Variants in GALNT13 observed in about 807,000 individuals in gnomAD.
GALNT13 encodes the protein polypeptide N-acetylgalactosaminyltransferase 13, also known as UDP-GalNAc:polypeptide N-acetylgalactosaminyltransferase 13.
A neutral mutation model predicts 64.2 loss-of-function variants in GALNT13; 28 were observed. That is an observed-to-expected ratio of 0.44 (90% CI 0.32 to 0.60). The LOEUF (loss-of-function observed/expected upper bound fraction) is 0.60, where lower values mean the gene tolerates loss of function less well. GALNT13 is among the 20% of genes least tolerant of loss of function. The probability of loss-of-function intolerance (pLI) is 0.05; values close to 1 mark genes in which losing one functional copy is unlikely to be tolerated. For synonymous variants in GALNT13, 214 were observed against 224.6 expected (o/e 0.95, Z 0.42); for missense variants, 577 against 669.8 (o/e 0.86, Z 1.53).
intron 2 of GALNT13, among the ~76,000 whole-genome samples, chr2:153,912,921 A>G (rs1385262362): frequency 6.6e-6 from 1 of 152,206 alleles, no homozygotes; most frequent in East Asian, 1.9e-4. Flanking sequence ...CAGCATGGCC[A>G]AGTGCACACT....
the GALNT13 span, among the ~76,000 whole-genome samples, chr2:153,271,355 G>T: frequency 6.6e-6 from 1 of 152,150 alleles, no homozygotes; most frequent in Non-Finnish European, 1.5e-5. Flanking sequence ...TGACATGACT[G>T]TATATTTAGA....
chr2:154,437,870 A>T, intron 11 of GALNT13: 1 of 216,766 alleles, frequency 4.6e-6, no homozygotes, highest in Non-Finnish European at 9.6e-6. Context: ...AAAAAAAAAA[A>T]ACCCTCATGA....
the GALNT13 span, among the ~76,000 whole-genome samples, chr2:153,577,381 A>T: frequency 6.6e-6 from 1 of 152,142 alleles, no homozygotes; most frequent in South Asian, 2.1e-4. Flanking sequence ...CCTTTCTCAA[A>T]CAAATGCAGT....
the GALNT13 span, among the ~76,000 whole-genome samples, chr2:153,332,231 T>G: frequency 1.3e-5 from 2 of 152,328 alleles, no homozygotes; most frequent in Non-Finnish European, 2.9e-5. Context: ...TGGGGTTAGC[T>G]TGTTCTTGTT....
At chr2:153,576,749 T>C in the GALNT13 span, among the ~76,000 whole-genome samples, 20 of 152,238 alleles carry the variant, frequency 1.3e-4, 1 homozygote, top group South Asian at 2.1e-3. Flanking sequence ...CTCATGAAGA[T>C]GTTTTTTCAA....
the GALNT13 span, among the ~76,000 whole-genome samples, chr2:153,300,742 A>T: frequency 6.6e-6 from 1 of 152,208 alleles, no homozygotes. Flanking sequence ...TATGTACCAT[A>T]ACTGCCAAAT....
the GALNT13 span, among the ~76,000 whole-genome samples, chr2:153,458,407 A>G: frequency 2.0e-5 from 3 of 152,130 alleles, no homozygotes; most frequent in East Asian, 3.9e-4. Context: ...TCCCCCTGCC[A>G]TTGGGTCTTT....
At chr2:153,437,399 T>A in the GALNT13 span, among the ~76,000 whole-genome samples, 4 of 152,176 alleles carry the variant, frequency 2.6e-5, no homozygotes, top group African/African-American at 9.7e-5. Context: ...TTCTGTCTCA[T>A]TGATCTGTCT....
the GALNT13 span, among the ~76,000 whole-genome samples, chr2:153,727,802 A>G: frequency 1.3e-5 from 2 of 151,986 alleles, no homozygotes; most frequent in Non-Finnish European, 2.9e-5. Flanking sequence ...ATAGGTATAC[A>G]TGTGCCACAG....
chr2:153,366,860 G>A, the GALNT13 span, among the ~76,000 whole-genome samples: 1 of 151,182 alleles, frequency 6.6e-6, no homozygotes, highest in African/African-American at 2.4e-5. Context: ...GCTTACAGAG[G>A]AACGAAGATA....
the GALNT13 span, among the ~76,000 whole-genome samples, chr2:153,760,219 C>A: frequency 2.0e-5 from 3 of 151,748 alleles, no homozygotes; most frequent in Non-Finnish European, 4.4e-5. Context: ...TTTATCTTCT[C>A]AAAAAACTTA....
the GALNT13 span, among the ~76,000 whole-genome samples, chr2:153,814,749 G>A: frequency 3.9e-5 from 6 of 152,118 alleles, no homozygotes; most frequent in Non-Finnish European, 7.3e-5. Context: ...CCCTCCAGCC[G>A]TTTCAACGAT....
chr2:153,354,692 A>T, the GALNT13 span, among the ~76,000 whole-genome samples: 4 of 152,142 alleles, frequency 2.6e-5, no homozygotes, highest in Non-Finnish European at 5.9e-5. Flanking sequence ...GGAAAATCAG[A>T]CCAACCCAGC....
the GALNT13 span, among the ~76,000 whole-genome samples, chr2:153,860,473 G>C: frequency 6.6e-6 from 1 of 151,756 alleles, no homozygotes; most frequent in East Asian, 1.9e-4. Flanking sequence ...GACCAAATCA[G>C]TTGACTTCTA....
At chr2:153,296,773 T>C in the GALNT13 span, among the ~76,000 whole-genome samples, 1 of 152,036 alleles carries the variant, frequency 6.6e-6, no homozygotes, top group East Asian at 1.9e-4. Flanking sequence ...CTTGTAAAAA[T>C]ACTGAGCAAA....
At position 153,916,381 on chromosome 2, in the gene GALNT13, T is replaced by A. The variant is rs575609361; in HGVS notation, c.-105+15374T>A. ...TATGTTGCCCAGGCTGGTCTCGAACTCCTGGCTTCAAACGATCCTCCTGCC... is the reference window on the plus strand; with the variant it reads ...TATGTTGCCCAGGCTGGTCTCGAACACCTGGCTTCAAACGATCCTCCTGCC... On this transcript the variant is annotated intron_variant, in intron 2 of 12. Coordinates refer to ENST00000392825, the MANE Select transcript of GALNT13 (RefSeq NM_052917.4). Among the ~76,000 whole-genome samples the A allele has an allele frequency of 7.2e-5, 11 of 152,192 alleles. No homozygotes were observed. The East Asian group carries it at 2.1e-3, about 30-fold the overall frequency.
the GALNT13 span, among the ~76,000 whole-genome samples, chr2:153,834,129 T>G: frequency 2.0e-5 from 3 of 152,154 alleles, no homozygotes; most frequent in African/African-American, 4.8e-5. Flanking sequence ...GTACCACTTG[T>G]AGCTGTTTTT....
chr2:154,201,544 A>G (rs1007416571), intron 4 of GALNT13, among the ~76,000 whole-genome samples: 1 of 152,094 alleles, frequency 6.6e-6, no homozygotes, highest in African/African-American at 2.4e-5. Flanking sequence ...TGGGCCCCTT[A>G]GATAACTGTT....
At chr2:153,965,255 A>G (rs1257979958) in intron 3 of GALNT13, among the ~76,000 whole-genome samples, 1 of 152,200 alleles carries the variant, frequency 6.6e-6, no homozygotes, top group African/African-American at 2.4e-5. Flanking sequence ...AATTATTGCT[A>G]ACTATACTTG....
Sources: allele counts gnomAD v4.1 joint callset (sites outside exome capture counted in the v4.1 genomes callset), GRCh38; gene constraint gnomAD v4.1.1; transcripts MANE v1.5; gene names NCBI Gene and HGNC (gene_info 2026-07-23, HGNC 2026-07-21).